Variants in ARL15 observed in about 807,000 individuals in gnomAD.
The protein encoded by ARL15 is ADP-ribosylation factor-like protein 15.
In ARL15, 19 loss-of-function variants were observed where a neutral mutation model predicts 25.2. That is an observed-to-expected ratio of 0.75 (90% confidence interval 0.53 to 1.10). The LOEUF is 1.10. Ranked by LOEUF, ARL15 falls within the 50% of genes least tolerant of loss-of-function variation. The probability of loss-of-function intolerance (pLI) is 0.00; values close to 1 mark genes in which losing one functional copy is unlikely to be tolerated. For synonymous variants in ARL15, 94 were observed against 86.8 expected (o/e 1.08, Z -0.46); for missense variants, 220 against 246.0 (o/e 0.89, Z 0.71).
intron 4 of ARL15, among the ~76,000 whole-genome samples, chr5:53,904,278 C>A (rs1745168666): frequency 6.6e-6 from 1 of 152,108 alleles, no homozygotes; most frequent in Non-Finnish European, 1.5e-5. Context: ...TGGTAATTAC[C>A]CAGTGGATGC....
At chr5:54,158,734 G>A (rs1448475390) in intron 2 of ARL15, among the ~76,000 whole-genome samples, 2 of 152,114 alleles carry the variant, frequency 1.3e-5, no homozygotes, top group African/African-American at 4.8e-5. Flanking sequence ...TTAGCTGGGC[G>A]TGGTGGCAGA....
At chr5:54,106,840 T>C (rs1752602868) in intron 4 of ARL15, among the ~76,000 whole-genome samples, 1 of 151,706 alleles carries the variant, frequency 6.6e-6, no homozygotes, top group African/African-American at 2.4e-5. Flanking sequence ...GACAGAGAAG[T>C]TATAGGCGAA....
In ARL15 at chr5:53,935,760, G is replaced by T. The variant is rs531321812; in HGVS notation, c.463-49047C>A. Among the ~76,000 whole-genome samples the T allele has an allele frequency of 7.2e-5, 11 of 152,170 alleles. No homozygotes were observed. In the East Asian group the frequency reaches 1.9e-3, roughly 27 times the overall value. ...TGAGGTTTGTTTTTTTGTTTGTTTG[G>T]TTTTTTTGTTTGAGACTCAGTCTCA... is the stretch of plus-strand genomic sequence containing the variant. On this transcript the variant is annotated intron_variant, in intron 4 of 4. Coordinates refer to ENST00000504924, the MANE Select transcript of ARL15 (RefSeq NM_019087.3).
At chr5:54,131,959 G>C (rs1216611427) in intron 3 of ARL15, among the ~76,000 whole-genome samples, 1 of 151,490 alleles carries the variant, frequency 6.6e-6, no homozygotes, top group African/African-American at 2.4e-5. Context: ...AAGAGGTACT[G>C]CAACTGGCAG....
chr5:54,245,030 A>G (rs951097652), intron 1 of ARL15, among the ~76,000 whole-genome samples: 8 of 152,130 alleles, frequency 5.3e-5, no homozygotes, highest in Non-Finnish European at 8.8e-5. Flanking sequence ...GCGGGAGAGG[A>G]ATATTCTTCT....
intron 3 of ARL15, among the ~76,000 whole-genome samples, chr5:54,117,836 T>C (rs1366084442): frequency 1.3e-5 from 2 of 152,206 alleles, no homozygotes; most frequent in African/African-American, 4.8e-5. Context: ...ATAGTATTTG[T>C]TGTCAATGGT....
At chr5:54,107,310 AACTAC>A (rs1752620148) in intron 4 of ARL15, among the ~76,000 whole-genome samples, 1 of 152,176 alleles carries the variant, frequency 6.6e-6, no homozygotes, top group Admixed American at 6.5e-5. Context: ...GGCACAGCCA[AACTAC>A]ATCAGGGGTT....
At chr5:54,052,857 T>A (rs1471468398) in intron 4 of ARL15, among the ~76,000 whole-genome samples, 1 of 152,084 alleles carries the variant, frequency 6.6e-6, no homozygotes, top group South Asian at 2.1e-4. Flanking sequence ...GATTCCATTT[T>A]CCAATGACCA....
chr5:54,258,224 G>C (rs1006605990), intron 1 of ARL15, among the ~76,000 whole-genome samples: 1 of 151,778 alleles, frequency 6.6e-6, no homozygotes, highest in Non-Finnish European at 1.5e-5. Context: ...TGAAGTCCAA[G>C]CTACTCCAGA....
intron 1 of ARL15, among the ~76,000 whole-genome samples, chr5:54,190,105 G>A (rs1211632583): frequency 6.6e-6 from 1 of 152,076 alleles, no homozygotes; most frequent in African/African-American, 2.4e-5. Flanking sequence ...CAAAACTACA[G>A]TGAGGGCTAG....
intron 1 of ARL15, among the ~76,000 whole-genome samples, chr5:54,210,330 A>G (rs12054918): frequency 3.8e-4 from 58 of 152,342 alleles, no homozygotes; most frequent in Non-Finnish European, 6.3e-4. Flanking sequence ...CATTTTATTA[A>G]AAATAATGCC....
chr5:53,925,340 T>C (rs1245491600), intron 4 of ARL15, among the ~76,000 whole-genome samples: 1 of 152,062 alleles, frequency 6.6e-6, no homozygotes, highest in African/African-American at 2.4e-5. Context: ...GGACCACAGC[T>C]GCATGCCACC....
At chr5:54,020,326 G>A (rs538904072) in intron 4 of ARL15, among the ~76,000 whole-genome samples, 5 of 152,232 alleles carry the variant, frequency 3.3e-5, no homozygotes, top group African/African-American at 1.2e-4. Flanking sequence ...CCCCTGCAGT[G>A]TCAGTAGAGA....
chr5:53,933,899 T>G (rs1746275250), intron 4 of ARL15, among the ~76,000 whole-genome samples: 1 of 152,186 alleles, frequency 6.6e-6, no homozygotes, highest in Non-Finnish European at 1.5e-5. Flanking sequence ...ATTTTCAAGA[T>G]TCCCAAGGTT....
chr5:54,034,999 T>A (rs1750125518), intron 4 of ARL15, among the ~76,000 whole-genome samples: 2 of 151,974 alleles, frequency 1.3e-5, no homozygotes, highest in Admixed American at 1.3e-4. Context: ...TGACTTAATC[T>A]AAAATATTAA....
At chr5:54,035,244 A>T (rs1336102525) in intron 4 of ARL15, among the ~76,000 whole-genome samples, 1 of 152,174 alleles carries the variant, frequency 6.6e-6, no homozygotes, top group African/African-American at 2.4e-5. Context: ...TCACATTAAG[A>T]ACTCAATCCC....
intron 4 of ARL15, among the ~76,000 whole-genome samples, chr5:54,042,827 C>A (rs751929183): frequency 2.6e-5 from 4 of 152,088 alleles, no homozygotes; most frequent in Non-Finnish European, 1.5e-5. Context: ...GGGTGTAACA[C>A]GGCTAGCAGC....
At chr5:54,139,689 G>C (rs1340342553) in intron 3 of ARL15, among the ~76,000 whole-genome samples, 2 of 152,088 alleles carry the variant, frequency 1.3e-5, no homozygotes, top group African/African-American at 2.4e-5. Context: ...AAAATTAGCT[G>C]AGCATGGTGA....
At chr5:54,226,390 T>C (rs1756519804) in intron 1 of ARL15, among the ~76,000 whole-genome samples, 1 of 152,154 alleles carries the variant, frequency 6.6e-6, no homozygotes, top group South Asian at 2.1e-4. Context: ...ATGAGGCAAT[T>C]CCAGGCCATG....
Sources: gnomAD v4.1 joint callset for allele counts (sites outside exome capture counted in the v4.1 genomes callset) on GRCh38, gnomAD v4.1.1 for gene constraint, MANE v1.5 for transcripts, NCBI Gene and HGNC (gene_info 2026-07-23, HGNC 2026-07-21) for gene names.